Variants in IL16 observed in about 807,000 individuals in gnomAD.
IL16 encodes the protein interleukin 16, also known as pro-interleukin-16.
IL16 carries 67 observed loss-of-function variants against 110.1 expected under a neutral mutation model. The observed-to-expected ratio is 0.61, with a 90% CI of 0.50 to 0.75. The LOEUF is 0.75. Among genes scored for constraint, IL16 ranks in the 30% least tolerant of loss-of-function variants. IL16 has a pLI of 0.00. For missense variants in IL16, 1,545 were observed against 1,655.0 expected (o/e 0.93, Z 1.15); for synonymous variants, 689 against 662.9 (o/e 1.04, Z -0.61).
At chr15:81,262,719 G>C (rs7172451) in intron 3 of IL16, among the ~76,000 whole-genome samples, 1 of 151,984 alleles carries the variant, frequency 6.6e-6, no homozygotes, top group Non-Finnish European at 1.5e-5. Context: ...ATCACCTGAG[G>C]TCAGGAGTTC....
chr15:81,293,440 T>C lies in IL16; in HGVS notation c.1902+403T>C, dbSNP rs1186796083. Among the ~76,000 whole-genome samples the C allele has an allele frequency of 2.0e-5, 3 of 152,288 alleles. No individual in the cohort carries two copies. In the East Asian group the frequency reaches 5.8e-4, roughly 29 times the overall value. ...AAAAGGGGCCTGGCACGGTGGCTCA[T>C]GCCTGTAATCCCAGCACTTTGGGAG... is the stretch of plus-strand genomic sequence containing the variant. On this transcript the variant is annotated intron_variant, in intron 12 of 18. Transcript: ENST00000683961.
chr15:81,252,343 A>G (rs1479915851), intron 2 of IL16, among the ~76,000 whole-genome samples: 1 of 152,234 alleles, frequency 6.6e-6, no homozygotes, highest in Non-Finnish European at 1.5e-5. Context: ...TTAATCAGAA[A>G]GTTTCATGGG....
At chr15:81,186,112 C>T (rs1012466634) in intron 1 of IL16, among the ~76,000 whole-genome samples, 5 of 152,190 alleles carry the variant, frequency 3.3e-5, no homozygotes, top group Non-Finnish European at 1.5e-5. Flanking sequence ...CCCTCACTAC[C>T]AGAGGCCTCG....
intron 1 of IL16, among the ~76,000 whole-genome samples, chr15:81,198,127 C>T (rs979225591): frequency 3.9e-5 from 6 of 152,150 alleles, no homozygotes; most frequent in Non-Finnish European, 8.8e-5. Context: ...GGGCATGAGC[C>T]GTCAGGTGGG....
rs1486604375 is a variant in IL16, at chr15:81,196,945, C to G, written c.-309C>G. 1 of 1,260,036 alleles carries G rather than the reference C, an allele frequency of 7.9e-7. No individual in the cohort carries two copies. The highest frequency in any genetic ancestry group is 1.0e-6 in the Non-Finnish European group (1 of 978,236). The allele number at this position is 1,260,036 out of a possible 1,614,324, so 78.1% of individuals were successfully genotyped here. ...TTGTGTCCTACTCACGGCATCTCAACTATCGGAGCCTGGGATCTGACTCAA... is the reference window on the plus strand; with the variant it reads ...TTGTGTCCTACTCACGGCATCTCAAGTATCGGAGCCTGGGATCTGACTCAA... On this transcript the variant is annotated 5_prime_UTR_variant, in exon 1 of 19. Coordinates refer to ENST00000683961, the MANE Select transcript of IL16 (RefSeq NM_172217.5).
intron 2 of IL16, among the ~76,000 whole-genome samples, chr15:81,233,285 C>T (rs973035833): frequency 2.6e-5 from 4 of 152,072 alleles, no homozygotes; most frequent in Non-Finnish European, 5.9e-5. Context: ...AACTCTAGTA[C>T]AGTAGCACAA....
intron 1 of IL16, among the ~76,000 whole-genome samples, chr15:81,221,238 T>C (rs1302308502): frequency 6.6e-6 from 1 of 152,058 alleles, no homozygotes. Flanking sequence ...AAACAACTGA[T>C]CGCATTAGCT....
rs764598718 is a variant in IL16, at chr15:81,292,622, C to T, written c.1487C>T (p.Ser496Leu). Reference protein sequence around the residue: ...PTLEKEREKNSAPPHRRAQKV... With the variant: ...PTLEKEREKNLAPPHRRAQKV... ...TTGGAGAAGGAACGAGAGAAGAACTCAGCACCCCCGCATCGCAGGGCTCAG... is the reference window on the plus strand; with the variant it reads ...TTGGAGAAGGAACGAGAGAAGAACTTAGCACCCCCGCATCGCAGGGCTCAG... The change falls in exon 12 of 19, where the codon TCA (serine) becomes TTA (leucine). Residue 496 changes from serine (S) to leucine (L), a missense_variant. By Grantham distance (145) the Ser-to-Leu change is moderately radical (BLOSUM62 -2). This residue lies in a region of IL16 where 1,185 missense variants were observed against 1,238.8 expected (regional missense o/e 0.96). Coordinates refer to ENST00000683961, the MANE Select transcript of IL16 (RefSeq NM_172217.5). 12 of 1,610,264 alleles carry T rather than the reference C, an allele frequency of 7.5e-6. No individual in the cohort carries two copies. Among genetic ancestry groups the T allele is most frequent in the Non-Finnish European group, 1.0e-5 (12 of 1,176,884 alleles).
At chr15:81,222,227 G>A (rs914800510) in intron 1 of IL16, among the ~76,000 whole-genome samples, 2 of 152,118 alleles carry the variant, frequency 1.3e-5, no homozygotes, top group African/African-American at 4.8e-5. Flanking sequence ...AGGGGGCAGA[G>A]TTGAGGCCTT....
chr15:81,240,939 G>T (rs753135486), intron 2 of IL16, among the ~76,000 whole-genome samples: 22 of 151,766 alleles, frequency 1.4e-4, no homozygotes, highest in Non-Finnish European at 3.2e-4. Flanking sequence ...TTAGAGTTTT[G>T]CCTTTTGTGT....
At chr15:81,276,355 A>G (rs149342292) in intron 6 of IL16, among the ~76,000 whole-genome samples, 62 of 152,338 alleles carry the variant, frequency 4.1e-4, no homozygotes, top group African/African-American at 1.4e-3. Context: ...AACAACTTTA[A>G]ATCTAAGAAT....
chr15:81,308,862 T>C lies in IL16; in HGVS notation c.*64T>C, dbSNP rs1402498264. 2.1e-6 allele frequency: 3 copies of C among 1,408,130 alleles called. No individual in the cohort carries two copies. The highest frequency in any genetic ancestry group is 2.9e-5 in the African/African-American group (2 of 69,134). 87.2% of individuals were successfully genotyped at this position (1,408,130 alleles called of 1,614,324 possible). Reference sequence around the variant, plus strand: ...AACACACAGCTCCCATAACCGCTGATTCTCAGGGTCTCTGCTGCCGCCCCA... The same window carrying C: ...AACACACAGCTCCCATAACCGCTGACTCTCAGGGTCTCTGCTGCCGCCCCA... On this transcript the variant is annotated 3_prime_UTR_variant, in exon 19 of 19. Transcript: ENST00000683961.
intron 13 of IL16, among the ~76,000 whole-genome samples, chr15:81,297,790 GGA>G (rs891217531): frequency 6.6e-6 from 1 of 152,172 alleles, no homozygotes; most frequent in East Asian, 1.9e-4. Context: ...GATGCTGGGG[GGA>G]GAGAGAGAAA....
chr15:81,300,344 A>G lies in IL16; in HGVS notation c.3018A>G (p.Pro1006=), dbSNP rs747097622. ...TCATGAAATCCTTGCTGTGCCTTCC[A>G]TCTTCTATCTCCTGTGCCCAGACTC... is the stretch of plus-strand genomic sequence containing the variant. ...SAVMKSLLCL[P]SSISCAQTPC... is the part of the protein sequence containing the mutation. The change falls in exon 14 of 19, where the codon CCA becomes CCG. Residue 1006 remains proline (P), a synonymous_variant. Transcript: ENST00000683961. The G allele has an allele frequency of 1.8e-5, 29 of 1,614,038 alleles. No homozygotes were observed. In the South Asian group the frequency reaches 2.5e-4, roughly 14 times the overall value.
At chr15:81,184,494 G>A (rs1010560021) in intron 1 of IL16, among the ~76,000 whole-genome samples, 1 of 152,184 alleles carries the variant, frequency 6.6e-6, no homozygotes, top group African/African-American at 2.4e-5. Flanking sequence ...CTTGTGGGCT[G>A]CCCCTGGAAT....
chr15:81,185,363 C>CT (rs537025840), intron 1 of IL16, among the ~76,000 whole-genome samples: 8,966 of 141,770 alleles, frequency 0.063, 898 homozygotes, highest in African/African-American at 0.21. Flanking sequence ...TTTTCTTTTC[C>CT]TTTTTTTTTT....
At position 81,278,817 on chromosome 15, in the gene IL16, G is replaced by A. The variant is rs1304754416; in HGVS notation, c.791G>A (p.Gly264Asp). 1 of 1,603,336 alleles carries A rather than the reference G, an allele frequency of 6.2e-7. No individual in the cohort carries two copies. Among genetic ancestry groups the A allele is most frequent in the African/African-American group, 1.3e-5 (1 of 74,636 alleles). ...AAAADGRLQEGDEILELNGES... is the reference protein window; with the variant it reads ...AAAADGRLQEDDEILELNGES... ...AGCTACACTTTCTCTCTCTAAACAGGTGATGAAATTCTGGAGCTCAATGGT... is the reference window on the plus strand; with the variant it reads ...AGCTACACTTTCTCTCTCTAAACAGATGATGAAATTCTGGAGCTCAATGGT... The change falls in exon 7 of 19, where the codon GGT (glycine) becomes GAT (aspartate). Residue 264 changes from glycine (G) to aspartate (D), a missense_variant and splice_region_variant. This residue lies in a region of IL16 where 1,185 missense variants were observed against 1,238.8 expected (regional missense o/e 0.96). Coordinates refer to ENST00000683961, the MANE Select transcript of IL16 (RefSeq NM_172217.5).
At chr15:81,238,459 T>G (rs1349522702) in intron 2 of IL16, among the ~76,000 whole-genome samples, 1 of 152,220 alleles carries the variant, frequency 6.6e-6, no homozygotes, top group Non-Finnish European at 1.5e-5. Context: ...TTACCATATA[T>G]GCACATAACT....
At chr15:81,226,800 C>T (rs1595967568) in intron 2 of IL16, among the ~76,000 whole-genome samples, 1 of 152,010 alleles carries the variant, frequency 6.6e-6, no homozygotes. Flanking sequence ...GGGGGAGGCT[C>T]GCCAGGCTCC....
Sources: allele counts gnomAD v4.1 joint callset (sites outside exome capture counted in the v4.1 genomes callset), GRCh38; gene constraint gnomAD v4.1.1; regional missense constraint gnomAD v4.1.1; transcripts MANE v1.5; gene names NCBI Gene and HGNC (gene_info 2026-07-23, HGNC 2026-07-21).